Variants in FANCI observed in about 807,000 individuals in gnomAD.
The protein encoded by FANCI is Fanconi anemia group I protein.
FANCI carries 156 observed loss-of-function variants against 176.1 expected under a neutral mutation model. That is an observed-to-expected ratio of 0.89 (90% CI 0.78 to 1.01). The LOEUF is 1.01. Ranked by LOEUF, FANCI falls within the 50% of genes least tolerant of loss-of-function variation. The pLI, the probability that FANCI is intolerant of heterozygous loss-of-function variation, is 0.00. For synonymous variants in FANCI, 613 were observed against 541.7 expected (o/e 1.13, Z -1.83); for missense variants, 1,678 against 1,534.1 (o/e 1.09, Z -1.57).
Position 89,264,046 on chromosome 15 carries a change from T to A in FANCI, c.669+20T>A. 6.2e-7 allele frequency: 1 copy of A among 1,613,890 alleles called. No individual in the cohort carries two copies. The highest frequency in any genetic ancestry group is 1.1e-5 in the South Asian group (1 of 91,070). ...TCCAAGGTACAAATGGAAAATTGTT[T>A]CTCCTTAGTTCTGGTGGTATGACCA... is the stretch of plus-strand genomic sequence containing the variant. On this transcript the variant is annotated intron_variant, in intron 8 of 37. Coordinates refer to ENST00000310775, the MANE Select transcript of FANCI (RefSeq NM_001113378.2).
intron 32 of FANCI, among the ~76,000 whole-genome samples, chr15:89,306,698 T>TA (rs1308678873): frequency 1.3e-5 from 2 of 151,880 alleles, no homozygotes; most frequent in Non-Finnish European, 2.9e-5. Flanking sequence ...TCTCAAAAAT[T>TA]AAAAAAATAA....
intron 12 of FANCI, 72 bp downstream of exon 12, chr15:89,274,376 C>G: frequency 6.5e-7 from 1 of 1,548,070 alleles, no homozygotes; most frequent in Non-Finnish European, 8.9e-7. Context: ...TGATATCATA[C>G]TTGCAGCCTG....
chr15:89,292,096 G>A (rs940575019), intron 20 of FANCI, among the ~76,000 whole-genome samples: 3 of 152,216 alleles, frequency 2.0e-5, no homozygotes, highest in African/African-American at 4.8e-5. Flanking sequence ...GCTGAACTAG[G>A]ATTGGCACTG....
chr15:89,304,727 C>G (rs1366339312), intron 28 of FANCI, among the ~76,000 whole-genome samples: 1 of 152,108 alleles, frequency 6.6e-6, no homozygotes, highest in Non-Finnish European at 1.5e-5. Flanking sequence ...GCACTCCACC[C>G]CACACACCCT....
chr15:89,313,914 C>A (rs781546332), intron 35 of FANCI, among the ~76,000 whole-genome samples: 7 of 150,990 alleles, frequency 4.6e-5, no homozygotes, highest in Admixed American at 1.3e-4. Context: ...CACACACACA[C>A]ACACACACAC....
intron 12 of FANCI, among the ~76,000 whole-genome samples, chr15:89,275,444 CTG>C (rs1321321623): frequency 1.3e-5 from 2 of 152,094 alleles, no homozygotes; most frequent in African/African-American, 4.8e-5. Context: ...CATGCTTTCA[CTG>C]TGTATTAAAT....
At chr15:89,308,651 GAATCAGC>G (rs1319337279) in intron 34 of FANCI, among the ~76,000 whole-genome samples, 4 of 152,054 alleles carry the variant, frequency 2.6e-5, no homozygotes, top group Non-Finnish European at 5.9e-5. Context: ...CTCCCTTTAA[GAATCAGC>G]AATCAGCTGG....
chr15:89,258,071 T>C (rs1427892357), intron 2 of FANCI, among the ~76,000 whole-genome samples: 2 of 136,582 alleles, frequency 1.5e-5, no homozygotes, highest in Non-Finnish European at 3.0e-5. Context: ...CCATGTTGAT[T>C]TTTTTTTTTT....
At chr15:89,290,142 T>C in intron 18 of FANCI, 71 bp from the exon 19 acceptor site, 1 of 1,231,100 alleles carries the variant, frequency 8.1e-7, no homozygotes, top group South Asian at 1.2e-5. Context: ...AGTGTTATTT[T>C]TAAGTTATGA....
chr15:89,281,901 T>C, intron 16 of FANCI, 66 bp downstream of exon 16: 2 of 1,393,430 alleles, frequency 1.4e-6, no homozygotes, highest in Non-Finnish European at 1.0e-6. Context: ...AAGTTATCTC[T>C]GCCATCTCCT....
chr15:89,295,305 G>A (rs1235788742), intron 24 of FANCI, among the ~76,000 whole-genome samples: 2 of 151,158 alleles, frequency 1.3e-5, no homozygotes, highest in Non-Finnish European at 2.9e-5. Context: ...GGTGGAGGTC[G>A]CAGTGAGCTG....
intron 6 of FANCI, among the ~76,000 whole-genome samples, chr15:89,262,711 A>T (rs2052766140): frequency 6.6e-6 from 1 of 152,226 alleles, no homozygotes; most frequent in Non-Finnish European, 1.5e-5. Flanking sequence ...ACAAGAGTTT[A>T]TTCAATACAT....
intron 9 of FANCI, among the ~76,000 whole-genome samples, chr15:89,267,344 T>G (rs1290980274): frequency 1.3e-5 from 2 of 151,702 alleles, no homozygotes; most frequent in Non-Finnish European, 2.9e-5. Context: ...TTTTTTTTTT[T>G]TTTTTGAGAA....
intron 10 of FANCI, among the ~76,000 whole-genome samples, chr15:89,269,921 A>G (rs1397200307): frequency 2.0e-5 from 3 of 151,270 alleles, no homozygotes; most frequent in Non-Finnish European, 2.9e-5. Flanking sequence ...AGTGATTCTC[A>G]TGCCTCAGCC....
intron 20 of FANCI, 95 bp downstream of exon 20, chr15:89,291,809 CT>C: frequency 1.1e-6 from 1 of 947,708 alleles, no homozygotes; most frequent in Non-Finnish European, 1.7e-6. Context: ...AACTCTCTTC[CT>C]GGTTCTTCCA....
chr15:89,274,277 C>T lies in FANCI; in HGVS notation c.1085C>T (p.Thr362Ile). The part of the protein sequence containing the change: ...NLVPHRSYVS[T>I]MILEVVKNSV... ...GTTCCTCATAGATCTTATGTTTCAA[C>T]CATGATCTTGGAAGTAGTGAAGAAT... Residue 362 changes from threonine (T) to isoleucine (I), a missense_variant, in exon 12 of 38, where the codon ACC becomes ATC. Thr to Ile is a moderately conservative substitution (Grantham distance 89, BLOSUM62 -1). Transcript: ENST00000310775. The T allele has an allele frequency of 6.2e-7, 1 of 1,613,458 alleles. No individual in the cohort carries two copies. The highest frequency in any genetic ancestry group is 8.5e-7 in the Non-Finnish European group (1 of 1,179,734).
chr15:89,269,875 A>G (rs1419787389), intron 10 of FANCI, among the ~76,000 whole-genome samples: 4 of 152,068 alleles, frequency 2.6e-5, no homozygotes, highest in East Asian at 1.9e-4. Flanking sequence ...CCGTGGCCCA[A>G]TCTTGGCTCA....
rs370003594 is a variant in FANCI at position 89,278,862 on chromosome 15, A to T, written c.1381+88A>T. 5.0e-6 allele frequency: 5 copies of T among 993,214 alleles called. No homozygotes were observed. In the South Asian group the frequency reaches 6.6e-5, roughly 13 times the overall value. 61.5% of individuals were successfully genotyped at this position (993,214 alleles called of 1,614,324 possible). On this transcript the variant is annotated intron_variant, in intron 14 of 37. Transcript: ENST00000310775. ...ATTTGGTCCTGGGAAAAAAATTTTA[A>T]TGAGCATTTAAATGCAGTATCTTTG...
In FANCI at chr15:89,307,723, A is replaced by C. The variant is rs111262781; in HGVS notation, c.3651+51A>C. ...ATAGGTCTTCAAGAAAGGATTTCTTACATGCCCAGGGGACTATTGATCACC... is the reference window on the plus strand; with the variant it reads ...ATAGGTCTTCAAGAAAGGATTTCTTCCATGCCCAGGGGACTATTGATCACC... On this transcript the variant is annotated intron_variant, in intron 34 of 37. Coordinates refer to ENST00000310775, the MANE Select transcript of FANCI (RefSeq NM_001113378.2). 308 of 1,614,112 alleles carry C rather than the reference A, an allele frequency of 1.9e-4. 6 individuals carry two copies. The African/African-American group carries it at 3.0e-3, about 16-fold the overall frequency.
Sources: allele counts gnomAD v4.1 joint callset (sites outside exome capture counted in the v4.1 genomes callset), GRCh38; gene constraint gnomAD v4.1.1; transcripts MANE v1.5; gene names NCBI Gene and HGNC (gene_info 2026-07-23, HGNC 2026-07-21).